CCDC51: variants seen among roughly 807,000 people sequenced by gnomAD.
CCDC51 encodes coiled-coil domain containing 51.
CCDC51 carries 25 observed loss-of-function variants against 24.8 expected under a neutral mutation model. The observed-to-expected ratio is 1.01, with a 90% CI of 0.73 to 1.41. CCDC51 has a LOEUF of 1.41. Ranked by LOEUF, CCDC51 falls within the 40% of genes most tolerant of loss-of-function variation. The pLI is 0.00. For missense variants in CCDC51, 466 were observed against 519.1 expected (o/e 0.90, Z 0.99); for synonymous variants, 190 against 204.3 (o/e 0.93, Z 0.60).
At chr3:48,445,522 C>G in the CCDC51 span, among the ~76,000 whole-genome samples, 1 of 152,212 alleles carries the variant, frequency 6.6e-6, no homozygotes, top group African/African-American at 2.4e-5. Flanking sequence ...ACCAGTGATT[C>G]ACACTGTTCC....
upstream of CCDC51, chr3:48,443,840 T>C: frequency 6.4e-7 from 1 of 1,560,090 alleles, no homozygotes; most frequent in Non-Finnish European, 8.6e-7. Context: ...ACTATTTTTC[T>C]TTTGCAGCCA....
intron 1 of CCDC51, 82 bp downstream of exon 1, chr3:48,439,906 T>C: frequency 3.2e-6 from 1 of 314,404 alleles, no homozygotes; most frequent in Non-Finnish European, 5.9e-6. Context: ...CTAATCTCCC[T>C]CCACCCAAGC....
upstream of CCDC51, chr3:48,440,660 C>T (rs1289710083): frequency 6.3e-7 from 1 of 1,592,194 alleles, no homozygotes; most frequent in Non-Finnish European, 8.6e-7. Context: ...CTCAAGCTGG[C>T]CAAACGCTAT....
chr3:48,446,536 C>G, the CCDC51 span: 69 of 246,702 alleles, frequency 2.8e-4, no homozygotes, highest in Non-Finnish European at 4.7e-4. Context: ...AAGCCACCAG[C>G]GCGGCGGAGC....
the CCDC51 span, chr3:48,446,160 G>A: frequency 1.3e-5 from 2 of 152,284 alleles, no homozygotes; most frequent in South Asian, 2.1e-4. Flanking sequence ...AGCACTCAGA[G>A]GAATGGATGT....
chr3:48,441,942 T>C (rs2039578980), upstream of CCDC51, among the ~76,000 whole-genome samples: 1 of 152,170 alleles, frequency 6.6e-6, no homozygotes, highest in Admixed American at 6.5e-5. Context: ...CTTTTCAGAA[T>C]GGTGTAAGGG....
rs2039248072 is a variant in CCDC51, at chr3:48,433,361, A to G, written c.478-195T>C. On this transcript the variant is annotated intron_variant, in intron 3 of 3. Coordinates refer to ENST00000395694, the MANE Select transcript of CCDC51 (RefSeq NM_001256964.2). The surrounding 1 kb of genome is among the most constrained non-coding windows in gnomAD (Gnocchi z 4.4). ...ATTGGGAGTGATCAAAGTGAGTTGC[A>G]TGATCGTCCCACCTGAGCAGTTCTG... Among the ~76,000 whole-genome samples the G allele has an allele frequency of 6.6e-6, 1 of 152,204 alleles. No homozygotes were observed. The highest frequency in any genetic ancestry group is 1.5e-5 in the Non-Finnish European group (1 of 68,026).
At chr3:48,444,814 A>C (rs2039636701), upstream of CCDC51, among the ~76,000 whole-genome samples, 1 of 152,170 alleles carries the variant, frequency 6.6e-6, no homozygotes, top group South Asian at 2.1e-4. Context: ...AAACAGGTCC[A>C]GGGCAGCAGC....
upstream of CCDC51, chr3:48,440,438 C>T (rs1219312291): frequency 3.7e-6 from 6 of 1,612,434 alleles, no homozygotes; most frequent in African/African-American, 2.7e-5. Flanking sequence ...GCCCAAGAAG[C>T]AGGCCAAGGA....
At chr3:48,440,872 C>T (rs2039544856), upstream of CCDC51, 1 of 577,404 alleles carries the variant, frequency 1.7e-6, no homozygotes. Context: ...GCTGCAGAAA[C>T]GGAAACAGTG....
At chr3:48,442,396 A>T (rs2039591625), upstream of CCDC51, among the ~76,000 whole-genome samples, 2 of 139,352 alleles carry the variant, frequency 1.4e-5, no homozygotes, top group African/African-American at 5.4e-5. Context: ...TTTAAGGTTT[A>T]TTTTGTCAGG....
Position 48,432,303 on chromosome 3 carries a change from T to G in CCDC51, c.*105A>C, listed in dbSNP as rs760064189. The G allele has an allele frequency of 2.3e-6, 3 of 1,331,866 alleles. No individual in the cohort carries two copies. The highest frequency in any genetic ancestry group is 1.4e-5 in the South Asian group (1 of 73,820). The allele number at this position is 1,331,866 out of a possible 1,614,324, so 82.5% of individuals were successfully genotyped here. On this transcript the variant is annotated 3_prime_UTR_variant, in exon 4 of 4. Transcript: ENST00000395694. ...GCCACACAGATACTGCTCCTTCAGA[T>G]TGAGGTTGTACATGCCCCCAAAGGC... is the stretch of plus-strand genomic sequence containing the variant.
chr3:48,434,183 G>A (rs1217547879), intron 2 of CCDC51, among the ~76,000 whole-genome samples: 4 of 152,212 alleles, frequency 2.6e-5, no homozygotes, highest in African/African-American at 9.7e-5. Context: ...TTTCCCGTGT[G>A]TTGCCTTATT....
chr3:48,432,513 T>C lies in CCDC51; in HGVS notation c.1131A>G (p.Arg377=), dbSNP rs1338142478. ...MILALSDTEQ[R]LEAQVNRNTI... Reference sequence around the variant, plus strand: ...TGTTCCTGTTGACTTGGGCTTCTAGTCTCTGCTCCGTGTCTGACAGTGCCA... The same window carrying C: ...TGTTCCTGTTGACTTGGGCTTCTAGCCTCTGCTCCGTGTCTGACAGTGCCA... Residue 377 remains arginine, a synonymous_variant, in exon 4 of 4, where the codon AGA becomes AGG. Coordinates refer to ENST00000395694, the MANE Select transcript of CCDC51 (RefSeq NM_001256964.2). The C allele has an allele frequency of 1.9e-6, 3 of 1,614,220 alleles. No individual in the cohort carries two copies. The highest frequency in any genetic ancestry group is 2.5e-6 in the Non-Finnish European group (3 of 1,180,046).
At chr3:48,443,802 G>A (rs781292369), upstream of CCDC51, 74 of 1,513,946 alleles carry the variant, frequency 4.9e-5, no homozygotes, top group Admixed American at 2.0e-4. Flanking sequence ...GGCTTCTACC[G>A]TAAGAACTAT....
upstream of CCDC51, among the ~76,000 whole-genome samples, chr3:48,442,258 CTCAA>C (rs1160614948): frequency 2.5e-5 from 2 of 80,202 alleles, no homozygotes; most frequent in African/African-American, 1.2e-4. Flanking sequence ...GAGACCCTAT[CTCAA>C]AAAAAAAAAA....
upstream of CCDC51, among the ~76,000 whole-genome samples, chr3:48,442,067 T>A (rs572648938): frequency 6.6e-5 from 10 of 152,116 alleles, no homozygotes; most frequent in East Asian, 3.9e-4. Context: ...ACAGAAAAAA[T>A]TTAAAATTAG....
chr3:48,440,666 G>A (rs759347675), upstream of CCDC51: 167 of 1,579,366 alleles, frequency 1.1e-4, no homozygotes, highest in Middle Eastern at 4.5e-4. Context: ...CTGGCCAAAC[G>A]CTATGAGCAC....
chr3:48,432,736 A>C lies in CCDC51; in HGVS notation c.908T>G (p.Leu303Trp). Residue 303 changes from leucine (L) to tryptophan (W), a missense_variant, in exon 4 of 4, where the codon TTG (leucine) becomes TGG (tryptophan). Coordinates refer to ENST00000395694, the MANE Select transcript of CCDC51 (RefSeq NM_001256964.2). ...DRDVDVLSAA[L>W]KEQLSHSRQV... ...CCTGGAATGACTAAGCTGCTCTTTC[A>C]AGGCAGCTGAAAGGACATCTACATC... is the stretch of plus-strand genomic sequence containing the variant. 1 of 1,614,152 alleles carries C rather than the reference A, an allele frequency of 6.2e-7. No individual in the cohort carries two copies. Among genetic ancestry groups the C allele is most frequent in the Non-Finnish European group, 8.5e-7 (1 of 1,180,030 alleles).
Sources: gnomAD v4.1 joint callset for allele counts (sites outside exome capture counted in the v4.1 genomes callset) on GRCh38, gnomAD v4.1.1 for gene constraint, Gnocchi (gnomAD v3.1) non-coding constraint, MANE v1.5 for transcripts, NCBI Gene and HGNC (gene_info 2026-07-23, HGNC 2026-07-21) for gene names.